The following CNTN6 variants were observed in gnomAD, a reference collection of about 807,000 sequenced individuals.
CNTN6 encodes contactin 6, also known as contactin-6.
CNTN6 carries 137 observed loss-of-function variants against 122.8 expected under a neutral mutation model. That is an observed-to-expected ratio of 1.12 (90% CI 0.97 to 1.29). The LOEUF (loss-of-function observed/expected upper bound fraction) is 1.29. Among genes scored for constraint, CNTN6 ranks in the 50% most tolerant of loss-of-function variants. CNTN6 has a pLI of 0.00. For synonymous variants in CNTN6, 570 were observed against 426.0 expected (o/e 1.34, Z -4.16); for missense variants, 1,634 against 1,223.4 (o/e 1.34, Z -5.01).
intron 1 of CNTN6, among the ~76,000 whole-genome samples, chr3:1,103,407 T>C (rs6790833): frequency 0.034 from 5,164 of 152,274 alleles, 311 homozygotes; most frequent in African/African-American, 0.12. Context: ...CTTTCCTTTT[T>C]TGTTGTCCCT....
At chr3:1,277,881 A>G (rs566895062) in intron 4 of CNTN6, among the ~76,000 whole-genome samples, 17 of 152,294 alleles carry the variant, frequency 1.1e-4, no homozygotes, top group African/African-American at 3.8e-4. Context: ...CCACATTCCA[A>G]ATAAGATCAT....
chr3:1,311,777 A>G (rs1044918934), intron 7 of CNTN6, among the ~76,000 whole-genome samples: 1 of 151,566 alleles, frequency 6.6e-6, no homozygotes, highest in Non-Finnish European at 1.5e-5. Flanking sequence ...TACACTGCAT[A>G]TTTGTTTGTA....
At chr3:1,349,397 GT>G (rs202125041) in intron 11 of CNTN6, among the ~76,000 whole-genome samples, 12 of 149,318 alleles carry the variant, frequency 8.0e-5, no homozygotes, top group Non-Finnish European at 1.8e-4. Context: ...GGCTGTGTGT[GT>G]TTTTTTTTAA....
At chr3:1,243,347 G>A (rs12487667) in intron 4 of CNTN6, among the ~76,000 whole-genome samples, 4,288 of 152,268 alleles carry the variant, frequency 0.028, 113 homozygotes, top group Admixed American at 0.053. Context: ...CTTGTGTGCT[G>A]GAGATGTGGC....
At chr3:1,299,136 G>A (rs1240923503) in intron 7 of CNTN6, among the ~76,000 whole-genome samples, 1 of 152,184 alleles carries the variant, frequency 6.6e-6, no homozygotes, top group African/African-American at 2.4e-5. Flanking sequence ...TTTTCATAGA[G>A]TATGGGTCTC....
chr3:1,149,288 G>A (rs1207826309), intron 2 of CNTN6, among the ~76,000 whole-genome samples: 1 of 152,162 alleles, frequency 6.6e-6, no homozygotes, highest in Non-Finnish European at 1.5e-5. Context: ...GATTATCAAA[G>A]AAGCCTCTCT....
chr3:1,236,208 C>G (rs967061111), intron 4 of CNTN6, among the ~76,000 whole-genome samples: 9 of 151,318 alleles, frequency 5.9e-5, no homozygotes, highest in African/African-American at 2.2e-4. Flanking sequence ...AACCTGAATA[C>G]TTTTGCATCC....
chr3:1,263,718 A>G (rs545551957), intron 4 of CNTN6, among the ~76,000 whole-genome samples: 1 of 152,124 alleles, frequency 6.6e-6, no homozygotes, highest in African/African-American at 2.4e-5. Context: ...TGCTTTTTGC[A>G]AACACTGAAC....
At chr3:1,181,847 A>G (rs2093559094) in intron 2 of CNTN6, among the ~76,000 whole-genome samples, 1 of 152,150 alleles carries the variant, frequency 6.6e-6, no homozygotes, top group South Asian at 2.1e-4. Flanking sequence ...ACATTTACCA[A>G]AAACTACTGA....
intron 5 of CNTN6, among the ~76,000 whole-genome samples, chr3:1,287,819 TA>T (rs1450473551): frequency 6.6e-6 from 1 of 152,212 alleles, no homozygotes; most frequent in African/African-American, 2.4e-5. Flanking sequence ...CAATATGGTC[TA>T]AAAGTGTGAG....
At position 1,289,402 on chromosome 3, in the gene CNTN6, A is replaced by T. The variant is rs933568278; in HGVS notation, c.455-6199A>T. On this transcript the variant is annotated intron_variant, in intron 5 of 22. Transcript: ENST00000446702. The stretch of plus-strand genomic sequence containing the variant: ...TCAGAGGGCACAAAAGGGCACCTGG[A>T]TTGTACTCCCAGAGCTGCTGCTAGC... 7.2e-5 allele frequency among the ~76,000 whole-genome samples: 11 copies of T among 152,294 alleles called. 1 individual carries two copies. The Middle Eastern group carries it at 0.01, about 141-fold the overall frequency.
intron 5 of CNTN6, 81 bp downstream of exon 5, chr3:1,278,589 G>C: frequency 2.5e-6 from 2 of 815,876 alleles, no homozygotes; most frequent in Non-Finnish European, 4.0e-6. Flanking sequence ...TAGGCTCAGT[G>C]ATCACCTTTT....
intron 4 of CNTN6, among the ~76,000 whole-genome samples, chr3:1,245,270 T>TAAA (rs1469000876): frequency 2.3e-4 from 1 of 4,420 alleles, no homozygotes; most frequent in African/African-American, 8.3e-4. Context: ...TATATATATA[T>TAAA]ATATACACAC....
intron 4 of CNTN6, among the ~76,000 whole-genome samples, chr3:1,273,240 A>G (rs1156984798): frequency 3.3e-5 from 5 of 152,166 alleles, no homozygotes; most frequent in Non-Finnish European, 5.9e-5. Context: ...TGGGCAGGTC[A>G]CCTTTGTGGT....
chr3:1,401,404 C>A (rs1695687208), intron 20 of CNTN6, 29 bp from the exon 21 acceptor site: 6 of 1,560,142 alleles, frequency 3.8e-6, no homozygotes, highest in African/African-American at 1.4e-5. Flanking sequence ...AATTAACATT[C>A]ATTTGGATCT....
chr3:1,236,942 G>C (rs115709335), intron 4 of CNTN6, among the ~76,000 whole-genome samples: 1 of 151,994 alleles, frequency 6.6e-6, no homozygotes, highest in Non-Finnish European at 1.5e-5. Flanking sequence ...TTAGCCAAGC[G>C]TGGTGGTGGG....
At chr3:1,390,731 C>T (rs896721349) in intron 20 of CNTN6, among the ~76,000 whole-genome samples, 1 of 151,828 alleles carries the variant, frequency 6.6e-6, no homozygotes, top group African/African-American at 2.4e-5. Context: ...GATATCACCA[C>T]CAATCCCACA....
At chr3:1,181,597 T>G (rs545567476) in intron 2 of CNTN6, among the ~76,000 whole-genome samples, 6 of 152,166 alleles carry the variant, frequency 3.9e-5, no homozygotes, top group Admixed American at 6.6e-5. Context: ...GATACCTGTT[T>G]GTACTTGTGT....
intron 4 of CNTN6, among the ~76,000 whole-genome samples, chr3:1,243,590 G>A (rs979159434): frequency 6.6e-5 from 10 of 151,782 alleles, no homozygotes; most frequent in African/African-American, 2.2e-4. Context: ...GCTGCCGAGC[G>A]AGCCATGAAC....
Sources: gnomAD v4.1 joint callset for allele counts (sites outside exome capture counted in the v4.1 genomes callset) on GRCh38, gnomAD v4.1.1 for gene constraint, MANE v1.5 for transcripts, NCBI Gene and HGNC (gene_info 2026-07-23, HGNC 2026-07-21) for gene names.